The following WLS variants were observed in gnomAD, a reference collection of about 807,000 sequenced individuals.
WLS encodes Wnt ligand secretion mediator, also known as protein wntless homolog.
WLS carries 23 observed loss-of-function variants against 62.8 expected under a neutral mutation model. The observed-to-expected ratio is 0.37, with a 90% CI of 0.26 to 0.52. The LOEUF (loss-of-function observed/expected upper bound fraction) is 0.52. Among genes scored for constraint, WLS ranks in the 20% least tolerant of loss-of-function variants. WLS has a pLI of 0.92. For synonymous variants in WLS, 246 were observed against 244.1 expected (o/e 1.01, Z -0.07); for missense variants, 615 against 697.3 (o/e 0.88, Z 1.33).
intron 5 of WLS, among the ~76,000 whole-genome samples, chr1:68,153,222 T>C (rs1274481520): frequency 6.6e-6 from 1 of 152,092 alleles, no homozygotes; most frequent in Non-Finnish European, 1.5e-5. Flanking sequence ...TGCAGCAAGC[T>C]GAGATCCCAG....
In WLS at chr1:68,232,459, G is replaced by A. The variant is rs1650475106; in HGVS notation, c.-160C>T. The stretch of plus-strand genomic sequence containing the variant: ...GGCGAGGATGGGACCGGGACGGAAG[G>A]CGCCCGCACGGATTCCCCCGGCGCA... On this transcript the variant is annotated 5_prime_UTR_variant, in exon 1 of 12. Coordinates refer to ENST00000262348, the MANE Select transcript of WLS (RefSeq NM_024911.7). The A allele has an allele frequency of 7.3e-7, 1 of 1,368,752 alleles. No homozygotes were observed. The highest frequency in any genetic ancestry group is 9.5e-7 in the Non-Finnish European group (1 of 1,055,450). The allele number at this position is 1,368,752 out of a possible 1,614,324, so 84.8% of individuals were successfully genotyped here. A position where few individuals can be genotyped will look rare whatever the true frequency, so the allele number is the denominator to read the frequency against.
At chr1:68,161,251 A>T (rs377301673) in intron 2 of WLS, among the ~76,000 whole-genome samples, 1 of 152,214 alleles carries the variant, frequency 6.6e-6, no homozygotes, top group Non-Finnish European at 1.5e-5. Flanking sequence ...ATCCTATGCG[A>T]GCAAGTGTCT....
At chr1:68,212,933 T>C (rs1486779179) in intron 1 of WLS, among the ~76,000 whole-genome samples, 2 of 152,226 alleles carry the variant, frequency 1.3e-5, no homozygotes, top group East Asian at 3.9e-4. Flanking sequence ...CGTGCCTCTT[T>C]GTATTCTTCA....
intron 2 of WLS, among the ~76,000 whole-genome samples, chr1:68,173,532 G>A (rs1411412078): frequency 6.6e-6 from 1 of 152,158 alleles, no homozygotes; most frequent in Non-Finnish European, 1.5e-5. Flanking sequence ...CAGTAACCAG[G>A]AAAGGAAAGG....
intron 1 of WLS, among the ~76,000 whole-genome samples, chr1:68,218,145 T>C (rs576041248): frequency 5.3e-5 from 8 of 152,318 alleles, no homozygotes; most frequent in Admixed American, 3.9e-4. Context: ...TAAGTAGGCT[T>C]ATACATTTCT....
intron 11 of WLS, among the ~76,000 whole-genome samples, chr1:68,106,741 T>C (rs1646150580): frequency 1.3e-5 from 2 of 149,968 alleles, no homozygotes; most frequent in South Asian, 4.2e-4. Flanking sequence ...TGTGTGTGTG[T>C]GTGTGTGTGT....
At chr1:68,174,596 T>C (rs1192992287) in intron 2 of WLS, among the ~76,000 whole-genome samples, 1 of 152,146 alleles carries the variant, frequency 6.6e-6, no homozygotes, top group African/African-American at 2.4e-5. Context: ...CTGCTGCTCC[T>C]CCCTCAATAA....
Position 68,230,884 on chromosome 1 carries a change from A to G in WLS, c.106+1310T>C, listed in dbSNP as rs555167907. 3.3e-5 allele frequency among the ~76,000 whole-genome samples: 5 copies of G among 152,294 alleles called. No individual in the cohort carries two copies. In the East Asian group the frequency reaches 9.7e-4, roughly 29 times the overall value. Reference sequence around the variant, plus strand: ...ACCCAAGTCTGGAGACAAAACGCCAAGCACACGACTGGAGGTGCCCAAGCC... The same window carrying G: ...ACCCAAGTCTGGAGACAAAACGCCAGGCACACGACTGGAGGTGCCCAAGCC... On this transcript the variant is annotated intron_variant, in intron 1 of 11. Coordinates refer to ENST00000262348, the MANE Select transcript of WLS (RefSeq NM_024911.7).
intron 2 of WLS, among the ~76,000 whole-genome samples, chr1:68,183,089 A>G (rs1011339635): frequency 1.3e-4 from 20 of 152,072 alleles, no homozygotes. Context: ...ACAGGGTTTC[A>G]CCATATTGGT....
At chr1:68,127,407 A>C (rs1330194832) in intron 11 of WLS, among the ~76,000 whole-genome samples, 1 of 152,224 alleles carries the variant, frequency 6.6e-6, no homozygotes, top group Non-Finnish European at 1.5e-5. Context: ...ACTCATTATC[A>C]GTGGACAGTG....
intron 1 of WLS, among the ~76,000 whole-genome samples, chr1:68,214,199 A>ACACACACACACACACACATG (rs761676326): frequency 6.6e-6 from 1 of 151,832 alleles, no homozygotes; most frequent in African/African-American, 2.4e-5. Context: ...ACACACACAC[A>ACACACACACACACACACATG]CACACACACA....
At chr1:68,198,848 C>T (rs1287900636) in intron 1 of WLS, among the ~76,000 whole-genome samples, 5 of 152,156 alleles carry the variant, frequency 3.3e-5, no homozygotes, top group Non-Finnish European at 7.3e-5. Context: ...TACAACATAA[C>T]CTTGAATAAA....
At chr1:68,222,967 C>T (rs1249998199) in intron 1 of WLS, among the ~76,000 whole-genome samples, 1 of 151,988 alleles carries the variant, frequency 6.6e-6, no homozygotes, top group African/African-American at 2.4e-5. Flanking sequence ...AAATGACTTG[C>T]CTAATATCCC....
intron 11 of WLS, among the ~76,000 whole-genome samples, chr1:68,103,981 TTCA>T (rs1388235192): frequency 1.3e-5 from 2 of 152,308 alleles, no homozygotes; most frequent in South Asian, 4.2e-4. Context: ...CAGAGGTTTC[TTCA>T]TAAGACATGC....
rs749276343 is a variant in WLS, at chr1:68,148,294, G to A, written c.1071-95C>T. The A allele has an allele frequency of 1.9e-4, 250 of 1,307,590 alleles. 1 individual carries two copies. Among genetic ancestry groups the A allele is most frequent in the Admixed American group, 6.9e-5 (4 of 57,926 alleles). 81.0% of individuals were successfully genotyped at this position (1,307,590 alleles called of 1,614,324 possible). ...ATATTCTTAGCTTTTCAGCTGCAGG[G>A]GTGAGGGCTGTATTTAGGCTAAAAA... On this transcript the variant is annotated intron_variant, in intron 7 of 11. Transcript: ENST00000262348.
intron 11 of WLS, among the ~76,000 whole-genome samples, chr1:68,118,929 A>G (rs1480288453): frequency 6.7e-6 from 1 of 149,306 alleles, no homozygotes; most frequent in Admixed American, 6.7e-5. Context: ...TAGATGTTCA[A>G]CATATGCTTA....
chr1:68,151,917 C>T (rs1006297302), intron 5 of WLS, among the ~76,000 whole-genome samples: 4 of 151,934 alleles, frequency 2.6e-5, no homozygotes, highest in African/African-American at 9.7e-5. Context: ...CAGGGAGGCA[C>T]GTGATGGAAG....
At chr1:68,144,741 A>T in intron 9 of WLS, 89 bp from the exon 10 acceptor site, 1 of 1,066,304 alleles carries the variant, frequency 9.4e-7, no homozygotes. Flanking sequence ...AATTTTAAAG[A>T]AATCTGTAAA....
chr1:68,110,691 C>CTCTCTCTCTCTCTCT (rs1646216406), intron 11 of WLS, among the ~76,000 whole-genome samples: 10 of 143,054 alleles, frequency 7.0e-5, no homozygotes, highest in African/African-American at 2.6e-4. Context: ...CTCTCTCTCT[C>CTCTCTCTCTCTCTCT]CATATATATA....
Sources: allele counts gnomAD v4.1 joint callset (sites outside exome capture counted in the v4.1 genomes callset), GRCh38; gene constraint gnomAD v4.1.1; transcripts MANE v1.5; gene names NCBI Gene and HGNC (gene_info 2026-07-23, HGNC 2026-07-21).